The following SLCO3A1 variants were observed in gnomAD, a reference collection of about 807,000 sequenced individuals.
SLCO3A1 encodes PGE1 transporter.
A neutral mutation model predicts 63.1 loss-of-function variants in SLCO3A1; 27 were observed. The ratio of observed to expected loss-of-function variants is 0.43; its 90% CI spans 0.32 to 0.59. SLCO3A1 has a LOEUF of 0.59. Ranked by LOEUF, SLCO3A1 falls within the 20% of genes least tolerant of loss-of-function variation. SLCO3A1 has a pLI of 0.09. For synonymous variants in SLCO3A1, 473 were observed against 409.9 expected (o/e 1.15, Z -1.86); for missense variants, 773 against 945.8 (o/e 0.82, Z 2.40).
At chr15:92,090,828 A>G (rs746952115) in intron 2 of SLCO3A1, among the ~76,000 whole-genome samples, 10 of 152,178 alleles carry the variant, frequency 6.6e-5, no homozygotes, top group Admixed American at 1.3e-4. Flanking sequence ...GTCTTTCTGT[A>G]TGCCAGACAC....
At chr15:91,932,054 C>T (rs1899254704) in intron 2 of SLCO3A1, among the ~76,000 whole-genome samples, 1 of 152,064 alleles carries the variant, frequency 6.6e-6, no homozygotes, top group Non-Finnish European at 1.5e-5. Flanking sequence ...TGAGAGAGTG[C>T]ATATCGTATG....
chr15:92,163,155 C>T lies in SLCO3A1; in HGVS notation c.*20C>T, dbSNP rs763991839. 8.7e-6 allele frequency: 13 copies of T among 1,492,986 alleles called. No homozygotes were observed. The African/African-American group carries it at 1.7e-4, about 19-fold the overall frequency. The allele number at this position is 1,492,986 out of a possible 1,614,324, so 92.5% of individuals were successfully genotyped here. A position where few individuals can be genotyped will look rare whatever the true frequency, so the allele number is the denominator to read the frequency against. On this transcript the variant is annotated 3_prime_UTR_variant, in exon 10 of 10. Transcript: ENST00000318445. ...TTATAGTGACTAAAGGAGGGCTGAA[C>T]TCTGTATTAGTAATCCAAGGGTCAT...
intron 9 of SLCO3A1, among the ~76,000 whole-genome samples, chr15:92,154,995 C>T (rs1418133504): frequency 4.6e-5 from 7 of 152,078 alleles, no homozygotes; most frequent in Admixed American, 3.3e-4. Flanking sequence ...GTGTTGCTGG[C>T]CAGAGAGGGA....
At chr15:92,158,595 C>T (rs969622387) in intron 9 of SLCO3A1, among the ~76,000 whole-genome samples, 4 of 152,170 alleles carry the variant, frequency 2.6e-5, no homozygotes, top group African/African-American at 9.7e-5. Flanking sequence ...TCCCATTTGT[C>T]TATGGGGAAC....
chr15:91,880,403 C>CTGTGTGTGTGTGTGTGTGTGTGTGTG (rs1324272484), intron 1 of SLCO3A1, among the ~76,000 whole-genome samples: 8 of 140,574 alleles, frequency 5.7e-5, no homozygotes, highest in African/African-American at 2.2e-4. Context: ...CTCTCTCTCT[C>CTGTGTGTGTGTGTGTGTGTGTGTGTG]TCTCTCTGTG....
rs2048477382 is a variant in SLCO3A1 at position 92,164,594 on chromosome 15, CT to C, written c.*1460del. 1.1e-6 allele frequency: 1 copy of C among 939,096 alleles called. No homozygotes were observed. The allele number at this position is 939,096 out of a possible 1,614,324, so 58.2% of individuals were successfully genotyped here. The stretch of plus-strand genomic sequence containing the variant: ...AAGAAGAACAGTTCCCTAACACAAG[CT>C]GTTAAGAAGTCTGTAGCATCTCTGA... On this transcript the variant is annotated 3_prime_UTR_variant, in exon 10 of 10. Coordinates refer to ENST00000318445, the MANE Select transcript of SLCO3A1 (RefSeq NM_013272.4).
intron 1 of SLCO3A1, among the ~76,000 whole-genome samples, chr15:91,855,802 CTA>C (rs1189180228): frequency 4.6e-5 from 7 of 152,102 alleles, no homozygotes; most frequent in African/African-American, 1.2e-4. Flanking sequence ...CTAACCGGGT[CTA>C]TGTTTAGAAG....
rs146616787 is a variant in SLCO3A1, at chr15:92,151,169, G to A, written c.1753+155G>A. The A allele has an allele frequency of 5.1e-4, 309 of 610,356 alleles. 1 individual carries two copies. The Middle Eastern group carries it at 9.2e-3, about 18-fold the overall frequency. 37.8% of individuals were successfully genotyped at this position (610,356 alleles called of 1,614,324 possible). A position where few individuals can be genotyped will look rare whatever the true frequency, so the allele number is the denominator to read the frequency against. On this transcript the variant is annotated intron_variant, in intron 9 of 9. Transcript: ENST00000318445. ...AGAAATTTTAAGTCTCAAAATTTTG[G>A]TCAGAGATAAACTCAGACACTGCCT...
rs1897376050 is a variant in SLCO3A1 at position 91,875,454 on chromosome 15, C to A, written c.180+21366C>A. ...AGCAAGAGACTGCCTGGATTCCAAT[C>A]CCAGCTCTGCCCGTCACATGTGACG... On this transcript the variant is annotated intron_variant, in intron 1 of 9. Coordinates refer to ENST00000318445, the MANE Select transcript of SLCO3A1 (RefSeq NM_013272.4). The surrounding 1 kb of genome is among the most constrained non-coding windows in gnomAD (Gnocchi z 4.5). 6.6e-6 allele frequency among the ~76,000 whole-genome samples: 1 copy of A among 152,204 alleles called. No homozygotes were observed. Among genetic ancestry groups the A allele is most frequent in the Non-Finnish European group, 1.5e-5 (1 of 68,040 alleles).
At chr15:92,082,741 C>A (rs1567109872) in intron 2 of SLCO3A1, among the ~76,000 whole-genome samples, 1 of 152,174 alleles carries the variant, frequency 6.6e-6, no homozygotes. Flanking sequence ...AGTGAATCTT[C>A]CAGAAATTGA....
chr15:91,879,526 A>G (rs1207304986), intron 1 of SLCO3A1, among the ~76,000 whole-genome samples: 1 of 73,646 alleles, frequency 1.4e-5, no homozygotes, highest in Non-Finnish European at 3.2e-5. Context: ...TATGATGCCT[A>G]TACATGTAAC....
intron 2 of SLCO3A1, among the ~76,000 whole-genome samples, chr15:92,030,319 C>A (rs2046630819): frequency 6.6e-6 from 1 of 152,216 alleles, no homozygotes; most frequent in Non-Finnish European, 1.5e-5. Context: ...TACAAAATAA[C>A]AAAATTTCAT....
At position 92,022,697 on chromosome 15, in the gene SLCO3A1, G is replaced by A. The variant is rs189177676; in HGVS notation, c.647-72184G>A. ...AAACATACAGCTGAAAGATGCTTTGGTAAATGGTATAATAGGTAGTTGAGA... is the reference window on the plus strand; with the variant it reads ...AAACATACAGCTGAAAGATGCTTTGATAAATGGTATAATAGGTAGTTGAGA... On this transcript the variant is annotated intron_variant, in intron 2 of 9. Coordinates refer to ENST00000318445, the MANE Select transcript of SLCO3A1 (RefSeq NM_013272.4). Among the ~76,000 whole-genome samples, 37 of 152,310 alleles carry A rather than the reference G, an allele frequency of 2.4e-4. No individual in the cohort carries two copies. In the East Asian group the frequency reaches 6.8e-3, roughly 28 times the overall value.
chr15:91,905,071 A>G (rs1898260910), intron 1 of SLCO3A1, among the ~76,000 whole-genome samples: 1 of 152,192 alleles, frequency 6.6e-6, no homozygotes, highest in Non-Finnish European at 1.5e-5. Flanking sequence ...CTAACATTCC[A>G]CATCATTGCT....
chr15:92,161,869 C>T (rs1325084165), intron 9 of SLCO3A1: 1 of 148,538 alleles, frequency 6.7e-6, no homozygotes, highest in African/African-American at 2.5e-5. Context: ...AGTATGCCGG[C>T]GCTTTGCAGT....
At chr15:92,044,002 A>G (rs2046829807) in intron 2 of SLCO3A1, among the ~76,000 whole-genome samples, 1 of 151,978 alleles carries the variant, frequency 6.6e-6, no homozygotes, top group South Asian at 2.1e-4. Context: ...CTGAAAAGGA[A>G]CTTTTCTCTA....
In SLCO3A1 at chr15:92,043,429, C is replaced by A. The variant is rs111549922; in HGVS notation, c.647-51452C>A. 6.0e-3 allele frequency among the ~76,000 whole-genome samples: 915 copies of A among 152,312 alleles called. 11 individuals carry two copies. The highest frequency in any genetic ancestry group is 0.021 in the African/African-American group (884 of 41,566). On this transcript the variant is annotated intron_variant, in intron 2 of 9. Transcript: ENST00000318445. ...CCTGTATAACCAGCGATAGCAGGCCCCAGATGTCAGGACTGCCAGCCTCTC... is the reference window on the plus strand; with the variant it reads ...CCTGTATAACCAGCGATAGCAGGCCACAGATGTCAGGACTGCCAGCCTCTC...
chr15:92,024,713 G>A (rs2046549847), intron 2 of SLCO3A1, among the ~76,000 whole-genome samples: 1 of 152,178 alleles, frequency 6.6e-6, no homozygotes, highest in South Asian at 2.1e-4. Flanking sequence ...CAGGATTAGA[G>A]GCTAGAGAAT....
chr15:92,092,855 C>T (rs1012208158), intron 2 of SLCO3A1, among the ~76,000 whole-genome samples: 2 of 152,150 alleles, frequency 1.3e-5, no homozygotes, highest in African/African-American at 4.8e-5. Flanking sequence ...CGTCACTCCT[C>T]TCCAAAGTGA....
Sources: gnomAD v4.1 joint callset for allele counts (sites outside exome capture counted in the v4.1 genomes callset) on GRCh38, gnomAD v4.1.1 for gene constraint, Gnocchi (gnomAD v3.1) non-coding constraint, MANE v1.5 for transcripts, NCBI Gene and HGNC (gene_info 2026-07-23, HGNC 2026-07-21) for gene names.